Variants in BTBD3 observed in about 807,000 individuals in gnomAD.
BTBD3 encodes BTB domain containing 3.
BTBD3 carries 14 observed loss-of-function variants against 41.6 expected under a neutral mutation model. That is an observed-to-expected ratio of 0.34 (90% CI 0.22 to 0.53). The LOEUF (loss-of-function observed/expected upper bound fraction) is 0.53, where lower values mean the gene tolerates loss of function less well. Among genes scored for constraint, BTBD3 ranks in the 20% least tolerant of loss-of-function variants. The pLI is 0.95. For missense variants in BTBD3, 426 were observed against 654.7 expected (o/e 0.65, Z 3.81); for synonymous variants, 249 against 233.7 (o/e 1.07, Z -0.60).
intron 1 of BTBD3, chr20:11,891,014 C>T (rs1264574091): frequency 5.1e-6 from 5 of 974,468 alleles, no homozygotes; most frequent in African/African-American, 3.5e-5. Context: ...AGCGCGGGAC[C>T]GCCCGGGCAG....
chr20:11,890,836 G>T (rs1160571819), exon 1 of BTBD3: 1 of 985,178 alleles, frequency 1.0e-6, no homozygotes, highest in African/African-American at 1.7e-5. Flanking sequence ...CCTGCGTGCG[G>T]GTGCCCGCCG....
chr20:11,891,091 A>G, intron 1 of BTBD3: 1 of 600,930 alleles, frequency 1.7e-6, no homozygotes, highest in South Asian at 7.2e-5. Context: ...TGGTGGCCGC[A>G]GGTCGGCCTC....
At position 11,918,059 on chromosome 20, in the gene BTBD3, A is replaced by C; in HGVS notation, c.-217A>C. The C allele has an allele frequency of 7.7e-7, 1 of 1,291,344 alleles. No individual in the cohort carries two copies. The highest frequency in any genetic ancestry group is 3.0e-5 in the East Asian group (1 of 33,496). The allele number at this position is 1,291,344 out of a possible 1,614,324, so 80.0% of individuals were successfully genotyped here. On this transcript the variant is annotated 5_prime_UTR_variant, in exon 1 of 4. Transcript: ENST00000378226. ...TTATGAGCAAATAAGAGAAACAGGA[A>C]TCATGATGGGGATATATTTAACAGA...
At chr20:11,906,846 G>T (rs549587856) in intron 1 of BTBD3, among the ~76,000 whole-genome samples, 13 of 152,178 alleles carry the variant, frequency 8.5e-5, no homozygotes, top group Non-Finnish European at 1.8e-4. Context: ...TGAAGACTGG[G>T]TGTGTCTAAT....
At chr20:11,910,279 C>T (rs1164737858) in intron 1 of BTBD3, 1 of 151,864 alleles carries the variant, frequency 6.6e-6, no homozygotes, top group East Asian at 1.9e-4. Context: ...TCTTTGGAAA[C>T]ACTTTCCTTT....
intron 1 of BTBD3, among the ~76,000 whole-genome samples, chr20:11,891,956 A>C (rs1191238404): frequency 6.6e-6 from 1 of 152,170 alleles, no homozygotes; most frequent in Non-Finnish European, 1.5e-5. Context: ...CGCACACCAG[A>C]CCAATTAACA....
intron 1 of BTBD3, among the ~76,000 whole-genome samples, chr20:11,911,625 G>C (rs2056890105): frequency 6.6e-6 from 1 of 152,202 alleles, no homozygotes; most frequent in Admixed American, 6.5e-5. Context: ...GAATTTGTTT[G>C]AGGCTGCATT....
At chr20:11,904,785 G>T (rs1421972664) in intron 1 of BTBD3, among the ~76,000 whole-genome samples, 1 of 152,304 alleles carries the variant, frequency 6.6e-6, no homozygotes, top group African/African-American at 2.4e-5. Context: ...GTGGATATTT[G>T]ATACCTCACC....
intron 1 of BTBD3, among the ~76,000 whole-genome samples, chr20:11,905,922 T>A (rs893847685): frequency 2.6e-5 from 4 of 152,202 alleles, no homozygotes; most frequent in Non-Finnish European, 5.9e-5. Context: ...AAGTCAGAAC[T>A]GCTTAAAAGG....
intron 1 of BTBD3, among the ~76,000 whole-genome samples, chr20:11,899,049 A>G (rs796944372): frequency 2.6e-4 from 39 of 152,238 alleles, no homozygotes; most frequent in African/African-American, 7.9e-4. Context: ...TACTGTTACT[A>G]TATTTTGTTC....
chr20:11,925,253 C>G lies in BTBD3; in HGVS notation c.*1587C>G, dbSNP rs991234208. The G allele has an allele frequency of 6.5e-6, 1 of 152,726 alleles. No homozygotes were observed. The allele number at this position is 152,726 out of a possible 1,614,324, so 9.5% of individuals were successfully genotyped here. A position where few individuals can be genotyped will look rare whatever the true frequency, so the allele number is the denominator to read the frequency against. On this transcript the variant is annotated 3_prime_UTR_variant, in exon 4 of 4. Coordinates refer to ENST00000378226, the MANE Select transcript of BTBD3 (RefSeq NM_014962.4). ...GCAAGTGTGTTTGCCAGCTCAGGAG[C>G]TGTCTCCTCTCTACCTGGCTAGTAA...
intron 2 of BTBD3, chr20:11,919,381 C>T (rs1022556405): frequency 1.4e-6 from 2 of 1,410,624 alleles, no homozygotes; most frequent in East Asian, 2.5e-5. Context: ...ATATCTCACA[C>T]ATCCCCTCTT....
chr20:11,923,557 CAG>C lies in BTBD3; in HGVS notation c.1462_1463del (p.Glu488SerfsTer16), dbSNP rs1568617861. 6.2e-7 allele frequency: 1 copy of C among 1,614,164 alleles called. No individual in the cohort carries two copies. Among genetic ancestry groups the C allele is most frequent in the Non-Finnish European group, 8.5e-7 (1 of 1,180,022 alleles). ...AGCTACTTTGGACAAGAAGGCATGA[CAG>C]AAGTTCAGTGTGGCAAAGTGACTGT... On this transcript the variant is annotated frameshift_variant, in exon 4 of 4. Transcript: ENST00000378226. LOFTEE classifies it high-confidence loss of function. This position sits in a 1 kb window ranked among gnomAD's most constrained non-coding sequence, Gnocchi z 5.3.
upstream of BTBD3, among the ~76,000 whole-genome samples, chr20:11,914,600 T>C (rs1187635681): frequency 1.3e-5 from 2 of 151,620 alleles, no homozygotes; most frequent in South Asian, 2.1e-4. Context: ...ATTGTGCACA[T>C]GTACACTAAA....
At chr20:11,899,191 T>C (rs544831151) in intron 1 of BTBD3, among the ~76,000 whole-genome samples, 1 of 152,152 alleles carries the variant, frequency 6.6e-6, no homozygotes, top group African/African-American at 2.4e-5. Context: ...AGGTTCTTGC[T>C]GAAATAACTT....
At chr20:11,895,821 A>G (rs1163565203) in intron 1 of BTBD3, among the ~76,000 whole-genome samples, 1 of 152,190 alleles carries the variant, frequency 6.6e-6, no homozygotes, top group Non-Finnish European at 1.5e-5. Flanking sequence ...GTCTTTGAGC[A>G]GACTGGAGTG....
rs1047829952 is a variant in BTBD3, at chr20:11,922,814, C to G, written c.717C>G (p.Asp239Glu). The stretch of plus-strand genomic sequence containing the variant: ...AGAGCTGCCTGTTCGAGGAGCCAGA[C>G]CTGACCCAGCGTTGCTGGGAGGTGA... ...LSQSCLFEEP[D>E]LTQRCWEVID... is the part of the protein sequence containing the mutation. The change falls in exon 4 of 4, where the codon GAC becomes GAG. Residue 239 changes from aspartate (D) to glutamate (E), a missense_variant. Physicochemically the swap from Asp to Glu is conservative, Grantham distance 45 (BLOSUM62 2). Coordinates refer to ENST00000378226, the MANE Select transcript of BTBD3 (RefSeq NM_014962.4). 6.2e-7 allele frequency: 1 copy of G among 1,614,088 alleles called. No homozygotes were observed. Among genetic ancestry groups the G allele is most frequent in the African/African-American group, 1.3e-5 (1 of 74,928 alleles).
chr20:11,918,314 C>G lies in BTBD3; in HGVS notation c.39C>G (p.Thr13=), dbSNP rs1373936540. 5 of 1,607,274 alleles carry G rather than the reference C, an allele frequency of 3.1e-6. No individual in the cohort carries two copies. Among genetic ancestry groups the G allele is most frequent in the Middle Eastern group, 1.7e-4 (1 of 6,016 alleles). ...DDKEKNMKCL[T]FFLMLPETVK... The stretch of plus-strand genomic sequence containing the variant: ...AGGAAAAGAACATGAAATGTCTCAC[C>G]TTCTTCTTGATGCTTCCAGAGACGG... Residue 13 remains threonine, a synonymous_variant, in exon 1 of 4, where the codon ACC becomes ACG. Transcript: ENST00000378226.
At chr20:11,890,982 GT>G (rs1197992989) in intron 1 of BTBD3, 1 of 981,662 alleles carries the variant, frequency 1.0e-6, no homozygotes, top group Non-Finnish European at 1.2e-6. Context: ...GGGCGAGCGG[GT>G]CGGCGCCTCC....
Sources: gnomAD v4.1 joint callset for allele counts (sites outside exome capture counted in the v4.1 genomes callset) on GRCh38, gnomAD v4.1.1 for gene constraint, Gnocchi (gnomAD v3.1) non-coding constraint, MANE v1.5 for transcripts, NCBI Gene and HGNC (gene_info 2026-07-23, HGNC 2026-07-21) for gene names.